Variants in FYB1 observed in about 807,000 individuals in gnomAD.
FYB1 encodes the protein FYN-binding protein 1.
FYB1 carries 41 observed loss-of-function variants against 94.1 expected under a neutral mutation model. That is an observed-to-expected ratio of 0.44 (90% CI 0.34 to 0.57). FYB1 has a LOEUF of 0.57. Among genes scored for constraint, FYB1 ranks in the 20% least tolerant of loss-of-function variants. The probability of loss-of-function intolerance (pLI) is 0.02; values close to 1 mark genes in which losing one functional copy is unlikely to be tolerated. For synonymous variants in FYB1, 367 were observed against 353.2 expected, an observed-to-expected ratio of 1.04 and a Z score of -0.44; for missense variants, 1,050 against 976.8, an observed-to-expected ratio of 1.07 and a Z score of -1.00.
intron 1 of FYB1, among the ~76,000 whole-genome samples, chr5:39,258,109 G>T (rs1385261220): frequency 6.6e-6 from 1 of 152,178 alleles, no homozygotes; most frequent in Admixed American, 6.5e-5. Context: ...TGATATTGAT[G>T]TGCTGGTTTG....
rs747774792 is a variant in FYB1 at position 39,134,956 on chromosome 5, C to T, written c.1574G>A (p.Gly525Glu). 5.0e-6 allele frequency: 8 copies of T among 1,613,796 alleles called. No homozygotes were observed. In the South Asian group the frequency reaches 7.7e-5, roughly 16 times the overall value. Residue 525 changes from glycine to glutamate, a missense_variant, in exon 8 of 19, where the codon GGA becomes GAA. Gly to Glu is a moderately conservative substitution (Grantham distance 98). Coordinates refer to ENST00000512982, the MANE Select transcript of FYB1 (RefSeq NM_001465.6). ...LAKACCDVKG[G>E]KNELSFKQGE... ...TTGCTTGAAGCTCAGTTCATTCTTT[C>T]CTCCTTTGACATCACAACAAGCTTT...
At chr5:39,145,020 A>G (rs1315638476) in intron 3 of FYB1, among the ~76,000 whole-genome samples, 2 of 152,200 alleles carry the variant, frequency 1.3e-5, no homozygotes, top group African/African-American at 2.4e-5. Flanking sequence ...GATGTTTTGT[A>G]TTAGTTTCAA....
chr5:39,267,820 T>C (rs1175498647), intron 1 of FYB1, among the ~76,000 whole-genome samples: 2 of 152,230 alleles, frequency 1.3e-5, no homozygotes, highest in African/African-American at 4.8e-5. Context: ...TAAATATATG[T>C]AGGTTTTCAC....
chr5:39,204,466 A>G (rs527952781), intron 1 of FYB1, among the ~76,000 whole-genome samples: 15 of 152,322 alleles, frequency 9.8e-5, no homozygotes, highest in African/African-American at 3.6e-4. Flanking sequence ...CTGGTGTACA[A>G]TATGGGTTCA....
intron 1 of FYB1, chr5:39,269,512 C>G (rs1005166272): frequency 6.6e-6 from 1 of 152,406 alleles, no homozygotes; most frequent in Non-Finnish European, 1.5e-5. Context: ...CTCCCCTTCT[C>G]AAGACTCAGT....
chr5:39,259,617 T>C (rs1752132639), intron 1 of FYB1, among the ~76,000 whole-genome samples: 1 of 151,910 alleles, frequency 6.6e-6, no homozygotes, highest in Admixed American at 6.6e-5. Flanking sequence ...AACAAAATCA[T>C]CCATGAAATA....
At chr5:39,215,885 T>C (rs1749824146) in intron 1 of FYB1, among the ~76,000 whole-genome samples, 1 of 152,174 alleles carries the variant, frequency 6.6e-6, no homozygotes, top group South Asian at 2.1e-4. Flanking sequence ...TTAAGGATCA[T>C]GCAACGGAAT....
intron 16 of FYB1, 24 bp downstream of exon 16, chr5:39,118,850 A>G (rs1739807244): frequency 7.2e-7 from 1 of 1,394,266 alleles, no homozygotes; most frequent in Non-Finnish European, 9.5e-7. Flanking sequence ...ATATGCACAT[A>G]TTATAGTATA....
At position 39,105,270 on chromosome 5, in the gene FYB1, A is replaced by G; in HGVS notation, c.*2173T>C. The G allele has an allele frequency of 6.6e-6, 1 of 152,104 alleles. No individual in the cohort carries two copies. Among genetic ancestry groups the G allele is most frequent in the East Asian group, 1.9e-4 (1 of 5,192 alleles). 9.4% of individuals were successfully genotyped at this position (152,104 alleles called of 1,614,324 possible). ...GGCAAGGTTATCCATTGAAGGTATTATTTATTTGCAGCTCATCTTAAGTGA... is the reference window on the plus strand; with the variant it reads ...GGCAAGGTTATCCATTGAAGGTATTGTTTATTTGCAGCTCATCTTAAGTGA... On this transcript the variant is annotated 3_prime_UTR_variant, in exon 19 of 19. Transcript: ENST00000512982.
chr5:39,241,284 A>T (rs1036459145), intron 1 of FYB1, among the ~76,000 whole-genome samples: 1 of 152,212 alleles, frequency 6.6e-6, no homozygotes, highest in African/African-American at 2.4e-5. Flanking sequence ...TTACCTATGT[A>T]ACAAACCTTC....
intron 1 of FYB1, among the ~76,000 whole-genome samples, chr5:39,213,200 T>C (rs1441641646): frequency 6.6e-6 from 1 of 152,192 alleles, no homozygotes; most frequent in Non-Finnish European, 1.5e-5. Flanking sequence ...TTTAGTGTTA[T>C]TAATATATAA....
intron 11 of FYB1, among the ~76,000 whole-genome samples, chr5:39,126,461 CA>C (rs1740678818): frequency 6.6e-6 from 1 of 151,666 alleles, no homozygotes; most frequent in African/African-American, 2.4e-5. Context: ...TTTGGGAAGC[CA>C]AAGTGGGAGG....
intron 2 of FYB1, among the ~76,000 whole-genome samples, chr5:39,167,255 TTCTCTCTCTCTCTCTG>T (rs1442280695): frequency 2.0e-5 from 3 of 150,910 alleles, no homozygotes; most frequent in Non-Finnish European, 4.4e-5. Flanking sequence ...TCTTGGGTAG[TTCTCTCTCTCTCTCTG>T]TCTCTCTCTC....
chr5:39,271,451 T>C (rs1752661211), intron 1 of FYB1, among the ~76,000 whole-genome samples: 1 of 152,182 alleles, frequency 6.6e-6, no homozygotes, highest in South Asian at 2.1e-4. Context: ...TAGAAGGTCA[T>C]CTTTGTTTTC....
At chr5:39,211,850 A>G (rs570760743) in intron 1 of FYB1, among the ~76,000 whole-genome samples, 24 of 152,312 alleles carry the variant, frequency 1.6e-4, no homozygotes, top group African/African-American at 5.8e-4. Flanking sequence ...TACACTCAAC[A>G]TGATGTTAGA....
chr5:39,235,107 A>G (rs1179971468), intron 1 of FYB1, among the ~76,000 whole-genome samples: 2 of 151,886 alleles, frequency 1.3e-5, no homozygotes, highest in Non-Finnish European at 1.5e-5. Flanking sequence ...GTTTATAAAT[A>G]CAAACTCAAT....
At chr5:39,123,930 G>T (rs1050328362) in intron 13 of FYB1, among the ~76,000 whole-genome samples, 3 of 152,130 alleles carry the variant, frequency 2.0e-5, no homozygotes, top group African/African-American at 7.2e-5. Flanking sequence ...TCCTTATGCA[G>T]AAGTCTCATA....
chr5:39,126,275 A>G (rs890977161), intron 11 of FYB1, 140 bp from the exon 12 acceptor site: 3 of 870,086 alleles, frequency 3.4e-6, no homozygotes, highest in Non-Finnish European at 5.1e-6. Context: ...ATTTTATTGG[A>G]CAAAATAGTG....
At chr5:39,172,920 G>A (rs1298002568) in intron 2 of FYB1, among the ~76,000 whole-genome samples, 1 of 152,202 alleles carries the variant, frequency 6.6e-6, no homozygotes, top group African/African-American at 2.4e-5. Context: ...ACAAGTGCAT[G>A]TGTCTTTTAG....
Sources: gnomAD v4.1 joint callset for allele counts (sites outside exome capture counted in the v4.1 genomes callset) on GRCh38, gnomAD v4.1.1 for gene constraint, MANE v1.5 for transcripts, NCBI Gene and HGNC (gene_info 2026-07-23, HGNC 2026-07-21) for gene names.